ZNF385D: variants seen among roughly 807,000 people sequenced by gnomAD.
ZNF385D encodes the protein zinc finger protein 385D.
Under a neutral mutation model 35.8 loss-of-function variants are expected in ZNF385D, and 15 were observed. The ratio of observed to expected loss-of-function variants is 0.42; its 90% CI spans 0.28 to 0.64. The LOEUF (loss-of-function observed/expected upper bound fraction) is 0.64, where lower values mean the gene tolerates loss of function less well. Among genes scored for constraint, ZNF385D ranks in the 30% least tolerant of loss-of-function variants. ZNF385D has a pLI of 0.23. For synonymous variants in ZNF385D, 212 were observed against 186.8 expected (o/e 1.13, Z -1.10); for missense variants, 474 against 494.6 (o/e 0.96, Z 0.39).
At chr3:21,525,885 A>G (rs1708195742) in intron 3 of ZNF385D, among the ~76,000 whole-genome samples, 1 of 152,088 alleles carries the variant, frequency 6.6e-6, no homozygotes, top group African/African-American at 2.4e-5. Flanking sequence ...GCGGTTGTCT[A>G]AGTGATGTTG....
At chr3:22,353,922 C>T (rs1419699862) in intron 2 of ZNF385D, among the ~76,000 whole-genome samples, 1 of 152,106 alleles carries the variant, frequency 6.6e-6, no homozygotes, top group African/African-American at 2.4e-5. Flanking sequence ...CTCCTCCCCA[C>T]ATTTCAGTGT....
intron 2 of ZNF385D, among the ~76,000 whole-genome samples, chr3:22,284,548 A>G (rs976019631): frequency 6.6e-6 from 1 of 151,940 alleles, no homozygotes; most frequent in Non-Finnish European, 1.5e-5. Flanking sequence ...TCAATTCTAA[A>G]TTGTATGGTG....
chr3:21,774,976 G>A (rs901298919), intron 3 of ZNF385D, among the ~76,000 whole-genome samples: 3 of 151,960 alleles, frequency 2.0e-5, no homozygotes, highest in African/African-American at 7.2e-5. Context: ...GCCCTGACTT[G>A]TATCATTTGT....
chr3:22,336,895 A>G, intron 2 of ZNF385D, among the ~76,000 whole-genome samples: 1 of 97,642 alleles, frequency 1.0e-5, no homozygotes, highest in African/African-American at 3.5e-5. Context: ...ACCACTATGC[A>G]AACAGTGATT....
chr3:22,204,093 G>C (rs1178103079), intron 2 of ZNF385D, among the ~76,000 whole-genome samples: 1 of 152,008 alleles, frequency 6.6e-6, no homozygotes, highest in African/African-American at 2.4e-5. Flanking sequence ...GTGGCCACAG[G>C]GTTGCTTCTT....
intron 2 of ZNF385D, among the ~76,000 whole-genome samples, chr3:22,216,703 C>G (rs912063446): frequency 6.6e-6 from 1 of 152,086 alleles, no homozygotes; most frequent in Admixed American, 6.6e-5. Flanking sequence ...TTGCAGCTTA[C>G]CAATATACCT....
chr3:22,149,130 C>T (rs1452355580), intron 3 of ZNF385D, among the ~76,000 whole-genome samples: 1 of 152,064 alleles, frequency 6.6e-6, no homozygotes, highest in Admixed American at 6.6e-5. Context: ...AACCCCGGAC[C>T]TGTATCAGAA....
chr3:22,095,823 A>G (rs1022692511), intron 3 of ZNF385D, among the ~76,000 whole-genome samples: 12 of 148,804 alleles, frequency 8.1e-5, no homozygotes, highest in African/African-American at 3.0e-4. Flanking sequence ...TTTAAAATTA[A>G]TTATAAAAAT....
At position 21,968,024 on chromosome 3, in the gene ZNF385D, C is replaced by T. The variant is rs113804219; in HGVS notation, c.325+200793G>A. On this transcript the variant is annotated intron_variant, in intron 3 of 5. Transcript: ENST00000494108. ...CACTGAAGTAGGTAGGAAAGAAAGTCTTGAATAGCTTACACCACCCCTCCC... is the reference window on the plus strand; with the variant it reads ...CACTGAAGTAGGTAGGAAAGAAAGTTTTGAATAGCTTACACCACCCCTCCC... Among the ~76,000 whole-genome samples, 17 of 152,260 alleles carry T rather than the reference C, an allele frequency of 1.1e-4. 1 individual carries two copies. The highest frequency in any genetic ancestry group is 3.4e-4 in the African/African-American group (14 of 41,546).
At chr3:21,806,188 CT>C (rs913479925) in intron 3 of ZNF385D, among the ~76,000 whole-genome samples, 164 of 143,966 alleles carry the variant, frequency 1.1e-3, no homozygotes, top group African/African-American at 2.2e-3. Context: ...TCTTTCCTTT[CT>C]TTTTTTTTTT....
At chr3:22,022,013 A>G (rs1697252484) in intron 3 of ZNF385D, among the ~76,000 whole-genome samples, 1 of 152,102 alleles carries the variant, frequency 6.6e-6, no homozygotes, top group Admixed American at 6.6e-5. Context: ...AGGATTACAG[A>G]ATAAAGGCTA....
At chr3:21,824,946 T>G (rs979486855) in intron 3 of ZNF385D, among the ~76,000 whole-genome samples, 7 of 152,198 alleles carry the variant, frequency 4.6e-5, no homozygotes, top group Admixed American at 2.0e-4. Flanking sequence ...ACAAAATTAC[T>G]TTTGTTAAAA....
chr3:21,730,218 A>G (rs4440141), intron 1 of ZNF385D, among the ~76,000 whole-genome samples: 13,400 of 152,218 alleles, frequency 0.088, 657 homozygotes, highest in Middle Eastern at 0.17. Context: ...ATTTCTCAGC[A>G]CTATACCAGC....
chr3:21,603,079 T>A lies in ZNF385D; in HGVS notation c.166-38395A>T, dbSNP rs114799754. ...CTATCATTCAGAGTCCAGCTTAAAT[T>A]TCATCAAGTTTATTTACCAAAATAA... On this transcript the variant is annotated intron_variant, in intron 2 of 7. Coordinates refer to ENST00000281523, the MANE Select transcript of ZNF385D (RefSeq NM_024697.3). Among the ~76,000 whole-genome samples, 1,059 of 152,308 alleles carry A rather than the reference T, an allele frequency of 7.0e-3. 7 individuals carry two copies. The highest frequency in any genetic ancestry group is 0.034 in the Middle Eastern group (10 of 294).
chr3:21,815,263 C>T (rs1379063030), intron 3 of ZNF385D, among the ~76,000 whole-genome samples: 1 of 152,034 alleles, frequency 6.6e-6, no homozygotes, highest in Non-Finnish European at 1.5e-5. Context: ...CCTAACATCA[C>T]AATTAAAAGA....
At chr3:21,493,412 A>T (rs901617573) in intron 4 of ZNF385D, among the ~76,000 whole-genome samples, 1 of 152,142 alleles carries the variant, frequency 6.6e-6, no homozygotes, top group Non-Finnish European at 1.5e-5. Flanking sequence ...ATTTTAGATG[A>T]TGCCATATTG....
intron 3 of ZNF385D, among the ~76,000 whole-genome samples, chr3:21,894,317 A>G (rs745723801): frequency 8.5e-5 from 13 of 152,158 alleles, no homozygotes; most frequent in Non-Finnish European, 1.9e-4. Context: ...AATTCATGTA[A>G]TATTACCTCT....
chr3:22,091,280 T>A (rs946724815), intron 3 of ZNF385D, among the ~76,000 whole-genome samples: 1 of 152,176 alleles, frequency 6.6e-6, no homozygotes, highest in Non-Finnish European at 1.5e-5. Context: ...TCCAGCATGA[T>A]AAACCATAGC....
intron 3 of ZNF385D, among the ~76,000 whole-genome samples, chr3:22,040,304 A>C (rs1275681343): frequency 6.6e-6 from 1 of 152,174 alleles, no homozygotes; most frequent in Non-Finnish European, 1.5e-5. Context: ...TCTTCATATT[A>C]TTCACATTTA....
Sources: allele counts gnomAD v4.1 joint callset (sites outside exome capture counted in the v4.1 genomes callset), GRCh38; gene constraint gnomAD v4.1.1; transcripts MANE v1.5; gene names NCBI Gene and HGNC (gene_info 2026-07-23, HGNC 2026-07-21).